Variants in PTPRG observed in about 807,000 individuals in gnomAD.
PTPRG encodes the protein protein tyrosine phosphatase receptor type G, also known as receptor-type tyrosine-protein phosphatase gamma.
In PTPRG, 102 loss-of-function variants were observed where a neutral mutation model predicts 165.3. That is an observed-to-expected ratio of 0.62 (90% CI 0.53 to 0.73). The LOEUF is 0.73. PTPRG is among the 30% of genes least tolerant of loss of function. The pLI, the probability that PTPRG is intolerant of heterozygous loss-of-function variation, is 0.00. For missense variants in PTPRG, 1,866 were observed against 1,861.4 expected, an observed-to-expected ratio of 1.00 and a Z score of -0.05; for synonymous variants, 675 against 669.5, an observed-to-expected ratio of 1.01 and a Z score of -0.13.
At chr3:61,690,941 ATGAT>A (rs2030156115) in intron 1 of PTPRG, among the ~76,000 whole-genome samples, 1 of 152,164 alleles carries the variant, frequency 6.6e-6, no homozygotes, top group African/African-American at 2.4e-5. Context: ...TGCTCAGAGA[ATGAT>A]TGATTTTGGG....
At chr3:61,939,434 G>A (rs201841272) in intron 2 of PTPRG, among the ~76,000 whole-genome samples, 4 of 152,170 alleles carry the variant, frequency 2.6e-5, no homozygotes, top group Non-Finnish European at 4.4e-5. Flanking sequence ...TAATAAAATC[G>A]CAGTGTGAAG....
chr3:61,920,322 G>A (rs1339197259), intron 2 of PTPRG, among the ~76,000 whole-genome samples: 6 of 149,066 alleles, frequency 4.0e-5, no homozygotes, highest in Non-Finnish European at 7.5e-5. Context: ...GTCATAGTTT[G>A]TACATGAATG....
chr3:61,592,833 A>G (rs7638537), intron 1 of PTPRG, among the ~76,000 whole-genome samples: 21,939 of 151,866 alleles, frequency 0.14, 2,148 homozygotes, highest in African/African-American at 0.28. Flanking sequence ...ACAAGTTCCC[A>G]TAAAAGCCGT....
At chr3:61,698,403 T>C (rs1231103918) in intron 1 of PTPRG, among the ~76,000 whole-genome samples, 6 of 152,144 alleles carry the variant, frequency 3.9e-5, no homozygotes, top group Admixed American at 3.9e-4. Context: ...CAGACATAGA[T>C]AATGCATAAG....
chr3:61,621,051 A>ATATG lies in PTPRG; in HGVS notation c.85+58680_85+58681insATGT. On this transcript the variant is annotated intron_variant, in intron 1 of 29. Transcript: ENST00000474889. Reference sequence around the variant, plus strand: ...TGTGTGTGTATATATATATATATATATGTGTGTGTGTGTGTGTGTGTGTGT... The same window carrying ATATG: ...TGTGTGTGTATATATATATATATATATATGTGTGTGTGTGTGTGTGTGTGTGTGT... 7.5e-3 allele frequency among the ~76,000 whole-genome samples: 888 copies of ATATG among 117,982 alleles called. 17 individuals are homozygous for ATATG. The highest frequency in any genetic ancestry group is 0.023 in the African/African-American group (771 of 33,518). The allele number at this position is 117,982 out of a possible 152,430, so 77.4% of individuals were successfully genotyped here.
At chr3:62,029,000 G>T (rs1406887332) in intron 4 of PTPRG, among the ~76,000 whole-genome samples, 1 of 152,144 alleles carries the variant, frequency 6.6e-6, no homozygotes, top group African/African-American at 2.4e-5. Context: ...TCATTACTTG[G>T]TCCAGTCCAA....
chr3:61,926,904 AAAC>A (rs1336748649), intron 2 of PTPRG, among the ~76,000 whole-genome samples: 3 of 151,890 alleles, frequency 2.0e-5, no homozygotes, highest in Admixed American at 6.6e-5. Context: ...AAAACGAAAA[AAAC>A]AGTTCGGGGG....
At chr3:62,260,459 A>G (rs1213188327) in intron 16 of PTPRG, among the ~76,000 whole-genome samples, 1 of 152,082 alleles carries the variant, frequency 6.6e-6, no homozygotes, top group African/African-American at 2.4e-5. Flanking sequence ...CGTTACATCA[A>G]TTTTTAGGGT....
chr3:62,078,102 T>C, intron 4 of PTPRG, 61 bp from the exon 5 acceptor site: 2 of 1,181,192 alleles, frequency 1.7e-6, no homozygotes, highest in South Asian at 1.4e-5. Context: ...GGTACTATTC[T>C]CTCAACTTTT....
intron 15 of PTPRG, among the ~76,000 whole-genome samples, chr3:62,244,276 T>C (rs1285511592): frequency 6.6e-6 from 1 of 152,250 alleles, no homozygotes. Flanking sequence ...GTTCTTACGA[T>C]GGTTGTGTGG....
intron 1 of PTPRG, among the ~76,000 whole-genome samples, chr3:61,698,735 A>G (rs1420075293): frequency 6.6e-6 from 1 of 152,198 alleles, no homozygotes; most frequent in Non-Finnish European, 1.5e-5. Flanking sequence ...AAAAAACTTA[A>G]TTCATTTTAA....
chr3:61,906,454 TG>T (rs143951039), intron 2 of PTPRG, among the ~76,000 whole-genome samples: 170 of 150,036 alleles, frequency 1.1e-3, no homozygotes, highest in African/African-American at 4.0e-3. Context: ...CAACTCCACC[TG>T]AAAAAAAAAG....
At chr3:62,186,180 T>C (rs1705876405) in intron 8 of PTPRG, among the ~76,000 whole-genome samples, 1 of 152,120 alleles carries the variant, frequency 6.6e-6, no homozygotes, top group Non-Finnish European at 1.5e-5. Context: ...TGAATGCTTT[T>C]CTTATTAGCA....
chr3:61,586,112 T>C (rs1441303342), intron 1 of PTPRG, among the ~76,000 whole-genome samples: 1 of 152,248 alleles, frequency 6.6e-6, no homozygotes, highest in Non-Finnish European at 1.5e-5. Context: ...TGCCTTGTTT[T>C]GCTAGTATGG....
intron 2 of PTPRG, among the ~76,000 whole-genome samples, chr3:61,978,273 C>A (rs2040555484): frequency 6.6e-6 from 1 of 152,138 alleles, no homozygotes; most frequent in African/African-American, 2.4e-5. Context: ...TACCGTAGTT[C>A]CTCCAAAGCA....
intron 8 of PTPRG, among the ~76,000 whole-genome samples, chr3:62,174,663 A>G (rs571809129): frequency 6.6e-5 from 10 of 152,358 alleles, no homozygotes; most frequent in Admixed American, 1.3e-4. Flanking sequence ...AAAGAGTTTG[A>G]CATTGAAATC....
intron 6 of PTPRG, among the ~76,000 whole-genome samples, chr3:62,155,738 G>T (rs1026946655): frequency 6.6e-6 from 1 of 152,176 alleles, no homozygotes; most frequent in Non-Finnish European, 1.5e-5. Context: ...TAGTTACACA[G>T]ACTTCTCGAG....
intron 1 of PTPRG, among the ~76,000 whole-genome samples, chr3:61,732,635 A>G (rs189798746): frequency 6.0e-5 from 9 of 149,176 alleles, no homozygotes; most frequent in African/African-American, 1.8e-4. Flanking sequence ...CATGAACCCG[A>G]GAGGCGGAGC....
rs1252753667 is a variant in PTPRG, at chr3:61,871,123, ATGTTATGTTG to A, written c.191-118497_191-118488del. Among the ~76,000 whole-genome samples the A allele has an allele frequency of 2.3e-4, 25 of 110,836 alleles. 1 individual carries two copies. The highest frequency in any genetic ancestry group is 1.6e-3 in the South Asian group (5 of 3,100). 72.7% of individuals were successfully genotyped at this position (110,836 alleles called of 152,430 possible). A position where few individuals can be genotyped will look rare whatever the true frequency, so the allele number is the denominator to read the frequency against. ...CCTACATTCCCTGTTATGTTATGTTATGTTATGTTGTGTTGTGTTGTGTTGTGTTGTGTTG... is the reference window on the plus strand; with the variant it reads ...CCTACATTCCCTGTTATGTTATGTTATGTTGTGTTGTGTTGTGTTGTGTTG... On this transcript the variant is annotated intron_variant, in intron 2 of 29. Coordinates refer to ENST00000474889, the MANE Select transcript of PTPRG (RefSeq NM_002841.4).
Sources: gnomAD v4.1 joint callset for allele counts (sites outside exome capture counted in the v4.1 genomes callset) on GRCh38, gnomAD v4.1.1 for gene constraint, MANE v1.5 for transcripts, NCBI Gene and HGNC (gene_info 2026-07-23, HGNC 2026-07-21) for gene names.